The following OSGEP variants were observed in gnomAD, a reference collection of about 807,000 sequenced individuals.
The protein encoded by OSGEP is O-sialoglycoprotein endopeptidase.
In OSGEP, 39 loss-of-function variants were observed where a neutral mutation model predicts 44.1. That is an observed-to-expected ratio of 0.88 (90% CI 0.69 to 1.16). OSGEP has a LOEUF of 1.16. Among genes scored for constraint, OSGEP ranks in the 50% most tolerant of loss-of-function variants. OSGEP has a pLI of 0.00. For missense variants in OSGEP, 403 were observed against 443.1 expected (o/e 0.91, Z 0.81); for synonymous variants, 139 against 161.9 (o/e 0.86, Z 1.07).
chr14:20,451,377 G>T (rs1427860206), intron 3 of OSGEP: 1 of 240,432 alleles, frequency 4.2e-6, no homozygotes, highest in South Asian at 3.7e-5. Context: ...TGCGATCTCG[G>T]TTCACCGCAA....
rs543996337 is a variant in OSGEP at position 20,454,792 on chromosome 14, G to C, written c.-109C>G. The C allele has an allele frequency of 1.3e-6, 1 of 779,574 alleles. No individual in the cohort carries two copies. Among genetic ancestry groups the C allele is most frequent in the African/African-American group, 1.7e-5 (1 of 57,614 alleles). 48.3% of individuals were successfully genotyped at this position (779,574 alleles called of 1,614,324 possible). On this transcript the variant is annotated 5_prime_UTR_variant, in exon 1 of 11. Coordinates refer to ENST00000206542, the MANE Select transcript of OSGEP (RefSeq NM_017807.4). Reference sequence around the variant, plus strand: ...AGCTTTCCGGAGCGCAGAGGAAGCTGGCCAGCCTGCAGATAGCACTGGGAA... The same window carrying C: ...AGCTTTCCGGAGCGCAGAGGAAGCTCGCCAGCCTGCAGATAGCACTGGGAA...
intron 10 of OSGEP, 39 bp from the exon 11 acceptor site, chr14:20,447,318 C>T (rs890893467): frequency 6.2e-7 from 1 of 1,612,916 alleles, no homozygotes; most frequent in Non-Finnish European, 8.5e-7. Context: ...AGAGCGAGCC[C>T]TTAACATCCT....
At chr14:20,452,264 G>C (rs758517627) in intron 2 of OSGEP, 65 bp downstream of exon 2, 62 of 1,601,768 alleles carry the variant, frequency 3.9e-5, no homozygotes, top group Non-Finnish European at 5.3e-5. Context: ...GTAAGGTGTT[G>C]GCTATTTTGA....
At chr14:20,454,138 ATC>A (rs1405919181) in intron 1 of OSGEP, among the ~76,000 whole-genome samples, 1 of 152,206 alleles carries the variant, frequency 6.6e-6, no homozygotes, top group Admixed American at 6.5e-5. Flanking sequence ...TTCCACTCTC[ATC>A]TCTCTACTCA....
Position 20,451,957 on chromosome 14 carries a change from T to C in OSGEP, c.411+17A>G. 6.4e-7 allele frequency: 1 copy of C among 1,570,714 alleles called. No homozygotes were observed. On this transcript the variant is annotated intron_variant, in intron 3 of 10. Transcript: ENST00000206542. ...GCCTCAGAAATTGAGATGGAGTGGG[T>C]AGAGCCCTCTAAATACCTGCGTATT...
In OSGEP at chr14:20,454,639, G is replaced by A. The variant is rs1881219796; in HGVS notation, c.45C>T (p.Gly15=). Residue 15 remains glycine, a synonymous_variant, in exon 1 of 11, where the codon GGC becomes GGT. Coordinates refer to ENST00000206542, the MANE Select transcript of OSGEP (RefSeq NM_017807.4). ...CCTTGCCATCCCGCACCACGCCCAC[G>A]CCAATCTTATTGGCGCTGCCTTCAA... is the stretch of plus-strand genomic sequence containing the variant. ...LGFEGSANKI[G]VGVVRDGKVL... The A allele has an allele frequency of 1.2e-6, 2 of 1,614,030 alleles. No homozygotes were observed. Among genetic ancestry groups the A allele is most frequent in the Non-Finnish European group, 1.7e-6 (2 of 1,180,016 alleles).
chr14:20,447,560 G>T, intron 9 of OSGEP, 40 bp from the exon 10 acceptor site: 1 of 1,608,022 alleles, frequency 6.2e-7, no homozygotes, highest in Admixed American at 1.7e-5. Flanking sequence ...TCTAAGGGTG[G>T]AAAATCACTA....
At chr14:20,451,370 G>A (rs944097919) in intron 3 of OSGEP, 3 of 251,352 alleles carry the variant, frequency 1.2e-5, no homozygotes, top group South Asian at 7.0e-5. Context: ...GCAATGGTGC[G>A]ATCTCGGTTC....
rs1880965577 is a variant in OSGEP at position 20,447,059 on chromosome 14, CAAAACCAA to C, written c.*173_*180del. 3 of 620,810 alleles carry C rather than the reference CAAAACCAA, an allele frequency of 4.8e-6. No homozygotes were observed. Among genetic ancestry groups the C allele is most frequent in the South Asian group, 4.2e-5 (2 of 48,022 alleles). The allele number at this position is 620,810 out of a possible 1,614,324, so 38.5% of individuals were successfully genotyped here. ...ACAACACAATCCAATCACCAACATA[CAAAACCAA>C]AAAACCAAAAATATTTTATTGCTGA... is the stretch of plus-strand genomic sequence containing the variant. On this transcript the variant is annotated 3_prime_UTR_variant, in exon 11 of 11. Coordinates refer to ENST00000206542, the MANE Select transcript of OSGEP (RefSeq NM_017807.4).
At chr14:20,448,065 C>A in intron 7 of OSGEP, 41 bp downstream of exon 7, 1 of 1,595,984 alleles carries the variant, frequency 6.3e-7, no homozygotes, top group Non-Finnish European at 8.6e-7. Flanking sequence ...AATATAAAAC[C>A]TTCAGCCCCA....
Position 20,452,054 on chromosome 14 carries a change from T to C in OSGEP, c.331A>G (p.Ile111Val). The C allele has an allele frequency of 6.2e-7, 1 of 1,613,928 alleles. No homozygotes were observed. Among genetic ancestry groups the C allele is most frequent in the Admixed American group, 1.7e-5 (1 of 60,024 alleles). The change falls in exon 3 of 11, where the codon ATA becomes GTA. Residue 111 changes from isoleucine to valine, a missense_variant. Physicochemically the swap from Ile to Val is conservative, Grantham distance 29. Coordinates refer to ENST00000206542, the MANE Select transcript of OSGEP (RefSeq NM_017807.4). ...AGGCGGCCCATCTCAATGTGGCCTA[T>C]ACAGTGGTTCACACCCACCAATGGC... ...NKPLVGVNHCIGHIEMGRLIT... is the reference protein window; with the variant it reads ...NKPLVGVNHCVGHIEMGRLIT...
Position 20,452,091 on chromosome 14 carries a change from T to A in OSGEP, c.294A>T (p.Gln98His), listed in dbSNP as rs2275007. ...CACCCACCAATGGCTTATTCCACAG[T>A]TGGGCCACAGTACGGGCCACAACAG... ...SVAVVARTVA[Q>H]LWNKPLVGVN... Residue 98 changes from glutamine to histidine, a missense_variant, in exon 3 of 11, where the codon CAA (glutamine) becomes CAT (histidine). By Grantham distance (24) the Gln-to-His change is conservative. Transcript: ENST00000206542. The A allele has an allele frequency of 1.9e-6, 3 of 1,613,454 alleles. No homozygotes were observed. The highest frequency in any genetic ancestry group is 1.3e-5 in the African/African-American group (1 of 74,798).
At position 20,454,653 on chromosome 14, in the gene OSGEP, C is replaced by T. The variant is rs1206143866; in HGVS notation, c.31G>A (p.Ala11Thr). MPAVLGFEGS[A>T]NKIGVGVVRD... is the part of the protein sequence containing the mutation. ...ACCACGCCCACGCCAATCTTATTGG[C>T]GCTGCCTTCAAAACCCAGCACCGCC... The change falls in exon 1 of 11, where the codon GCC (alanine) becomes ACC (threonine). Residue 11 changes from alanine (A) to threonine (T), a missense_variant. By Grantham distance (58) the Ala-to-Thr change is moderately conservative. Coordinates refer to ENST00000206542, the MANE Select transcript of OSGEP (RefSeq NM_017807.4). 1.9e-6 allele frequency: 3 copies of T among 1,614,040 alleles called. No homozygotes were observed. The highest frequency in any genetic ancestry group is 2.7e-5 in the African/African-American group (2 of 74,952).
chr14:20,452,313 A>T lies in OSGEP; in HGVS notation c.235+16T>A. 1 of 1,612,308 alleles carries T rather than the reference A, an allele frequency of 6.2e-7. No individual in the cohort carries two copies. Reference sequence around the variant, plus strand: ...CAGGTATATTCCTCCATCGTTGACCACTCTCCCAGCCATACCCTTGGTGTA... The same window carrying T: ...CAGGTATATTCCTCCATCGTTGACCTCTCTCCCAGCCATACCCTTGGTGTA... On this transcript the variant is annotated intron_variant, in intron 2 of 10. Transcript: ENST00000206542.
At position 20,447,956 on chromosome 14, in the gene OSGEP, T is replaced by C. The variant is rs146726398; in HGVS notation, c.741A>G (p.Arg247=). 8.1e-5 allele frequency: 131 copies of C among 1,614,142 alleles called. No homozygotes were observed. In the Middle Eastern group the frequency reaches 3.0e-3, roughly 37 times the overall value. The stretch of plus-strand genomic sequence containing the variant: ...CCTGGGAGCCACAATGTGCCATGGC[T>C]CGCTCTGTGATCTCTACCAGCATTG... ...VFAMLVEITE[R]AMAHCGSQEA... Residue 247 remains arginine (R), a synonymous_variant, in exon 8 of 11, where the codon CGA becomes CGG. Transcript: ENST00000206542.
chr14:20,451,799 T>C (rs1318570813), intron 3 of OSGEP, 175 bp downstream of exon 3: 1 of 500,852 alleles, frequency 2.0e-6, no homozygotes, highest in Non-Finnish European at 3.5e-6. Flanking sequence ...GTTCTGATCA[T>C]GCTGCCAAAA....
intron 1 of OSGEP, among the ~76,000 whole-genome samples, 189 bp from the exon 2 acceptor site, chr14:20,452,637 G>A (rs1291060487): frequency 1.3e-5 from 2 of 151,850 alleles, no homozygotes. Context: ...TTTCAGAAAT[G>A]CTCTTCTTCT....
In OSGEP at chr14:20,449,228, C is replaced by A; in HGVS notation, c.450G>T (p.Gly150=). The part of the protein sequence containing the change: ...AYSEHRYRIF[G]ETIDIAVGNC... ...TACCCACTGCAATATCGATGGTTTC[C>A]CCAAAGATACGGTAACGATGTTCCG... Residue 150 remains glycine, a synonymous_variant, in exon 4 of 11, where the codon GGG becomes GGT. Transcript: ENST00000206542. 1 of 1,613,096 alleles carries A rather than the reference C, an allele frequency of 6.2e-7. No individual in the cohort carries two copies. The highest frequency in any genetic ancestry group is 1.1e-5 in the South Asian group (1 of 91,062).
In OSGEP at chr14:20,448,100, C is replaced by G. The variant is rs1195016671; in HGVS notation, c.702+6G>C. On this transcript the variant is annotated splice_donor_region_variant and intron_variant, in intron 7 of 10. Transcript: ENST00000206542. ...AACTTTCTGTCCCAGTTTTTTACTGCATTACCTGCAGGGAGAAACACAGAT... is the reference window on the plus strand; with the variant it reads ...AACTTTCTGTCCCAGTTTTTTACTGGATTACCTGCAGGGAGAAACACAGAT... The G allele has an allele frequency of 2.5e-6, 4 of 1,611,706 alleles. No individual in the cohort carries two copies. Among genetic ancestry groups the G allele is most frequent in the African/African-American group, 1.3e-5 (1 of 75,018 alleles).
Sources: gnomAD v4.1 joint callset for allele counts (sites outside exome capture counted in the v4.1 genomes callset) on GRCh38, gnomAD v4.1.1 for gene constraint, MANE v1.5 for transcripts, NCBI Gene and HGNC (gene_info 2026-07-23, HGNC 2026-07-21) for gene names.